Variants in CLEC6A observed in about 807,000 individuals in gnomAD.
CLEC6A encodes the protein C-type lectin domain containing 6A, also known as C-type lectin domain family 6 member A.
Under a neutral mutation model 25.7 loss-of-function variants are expected in CLEC6A, and 22 were observed. The ratio of observed to expected loss-of-function variants is 0.85; its 90% CI spans 0.61 to 1.22. CLEC6A has a LOEUF of 1.22. Ranked by LOEUF, CLEC6A falls within the 50% of genes most tolerant of loss-of-function variation. The pLI is 0.00. For missense variants in CLEC6A, 240 were observed against 236.8 expected, an observed-to-expected ratio of 1.01 and a Z score of -0.09; for synonymous variants, 92 against 76.7, an observed-to-expected ratio of 1.20 and a Z score of -1.04.
intron 4 of CLEC6A, among the ~76,000 whole-genome samples, chr12:8,468,473 T>A (rs1939865772): frequency 6.6e-6 from 1 of 152,212 alleles, no homozygotes; most frequent in Non-Finnish European, 1.5e-5. Context: ...TTTGGATAAT[T>A]TTTTTCTCTT....
intron 3 of CLEC6A, chr12:8,461,010 G>A: frequency 6.8e-7 from 1 of 1,462,572 alleles, no homozygotes; most frequent in Admixed American, 1.7e-5. Flanking sequence ...AATTTTTGGG[G>A]GTTATCCTCA....
At chr12:8,460,785 AC>A (rs1356875511) in intron 3 of CLEC6A, 1 of 1,335,658 alleles carries the variant, frequency 7.5e-7, no homozygotes, top group East Asian at 2.3e-5. Flanking sequence ...ACAAGGCCAA[AC>A]AAGGTTACCT....
chr12:8,473,454 T>C (rs1031144354), intron 4 of CLEC6A, among the ~76,000 whole-genome samples: 1 of 152,136 alleles, frequency 6.6e-6, no homozygotes, highest in African/African-American at 2.4e-5. Context: ...ATATGTATTA[T>C]ATTTTCTTTA....
intron 3 of CLEC6A, among the ~76,000 whole-genome samples, chr12:8,464,581 C>T (rs1004782398): frequency 2.0e-5 from 3 of 152,190 alleles, no homozygotes; most frequent in Non-Finnish European, 4.4e-5. Flanking sequence ...ATCCGCCCGC[C>T]TCGGCCTCCC....
chr12:8,472,994 C>CTTTTTTTTTTTT (rs746059514), intron 4 of CLEC6A, among the ~76,000 whole-genome samples: 80 of 3,578 alleles, frequency 0.022, 29 homozygotes, highest in African/African-American at 0.034. Flanking sequence ...GCTCCTACTT[C>CTTTTTTTTTTTT]TTTTTTTTTT....
At chr12:8,457,421 G>A (rs929191176) in intron 1 of CLEC6A, among the ~76,000 whole-genome samples, 1 of 152,010 alleles carries the variant, frequency 6.6e-6, no homozygotes, top group East Asian at 1.9e-4. Flanking sequence ...TTTTTATGGT[G>A]GAATAATATG....
chr12:8,465,369 CAGGA>C (rs1394564606), intron 3 of CLEC6A, 111 bp from the exon 4 acceptor site: 47 of 988,894 alleles, frequency 4.8e-5, no homozygotes, highest in Admixed American at 5.3e-5. Context: ...TTCTATAATT[CAGGA>C]AACAGTAAAA....
intron 1 of CLEC6A, 40 bp downstream of exon 1, chr12:8,456,182 T>C (rs1939673608): frequency 6.2e-7 from 1 of 1,602,090 alleles, no homozygotes. Flanking sequence ...TGGAAGTGTA[T>C]GGTGAAATGA....
chr12:8,476,445 C>T (rs1939975472), intron 5 of CLEC6A, among the ~76,000 whole-genome samples: 2 of 151,992 alleles, frequency 1.3e-5, no homozygotes, highest in African/African-American at 2.4e-5. Flanking sequence ...AAATAACTTG[C>T]CCCAAATCAA....
At chr12:8,469,614 A>G (rs1009517464) in intron 4 of CLEC6A, among the ~76,000 whole-genome samples, 10 of 152,164 alleles carry the variant, frequency 6.6e-5, no homozygotes, top group Non-Finnish European at 1.3e-4. Context: ...CAGAATAGAG[A>G]ACCCAGAAAT....
At position 8,471,567 on chromosome 12, in the gene CLEC6A, A is replaced by G. The variant is rs768211621; in HGVS notation, c.370-4558A>G. Among the ~76,000 whole-genome samples, 71 of 152,156 alleles carry G rather than the reference A, an allele frequency of 4.7e-4. 1 individual carries two copies. In the South Asian group the frequency reaches 0.013, roughly 29 times the overall value. On this transcript the variant is annotated intron_variant, in intron 4 of 5. Coordinates refer to ENST00000382073, the MANE Select transcript of CLEC6A (RefSeq NM_001007033.2). ...CTTCTGTTACCTAATTTATTGGCAT[A>G]TAATTGTTCTCAGTAGTCTCTTATA...
chr12:8,456,095 C>T lies in CLEC6A; in HGVS notation c.-17C>T. On this transcript the variant is annotated 5_prime_UTR_variant, in exon 1 of 6. Coordinates refer to ENST00000382073, the MANE Select transcript of CLEC6A (RefSeq NM_001007033.2). ...ACAAAAGGTTCCTGGACCTTCTCAACACAGGGAGCCTGCATAATGATGCAA... is the reference window on the plus strand; with the variant it reads ...ACAAAAGGTTCCTGGACCTTCTCAATACAGGGAGCCTGCATAATGATGCAA... The T allele has an allele frequency of 2.5e-6, 4 of 1,613,546 alleles. No homozygotes were observed. The highest frequency in any genetic ancestry group is 3.4e-6 in the Non-Finnish European group (4 of 1,179,656).
intron 3 of CLEC6A, among the ~76,000 whole-genome samples, chr12:8,460,231 G>A (rs1169183961): frequency 6.6e-6 from 1 of 152,194 alleles, no homozygotes; most frequent in African/African-American, 2.4e-5. Context: ...ACATACCCGA[G>A]ACTGGGCAAT....
intron 4 of CLEC6A, among the ~76,000 whole-genome samples, chr12:8,475,689 C>T (rs1294456537): frequency 6.6e-6 from 1 of 152,134 alleles, no homozygotes; most frequent in East Asian, 1.9e-4. Context: ...CATACCCACA[C>T]TGGGGAGGGC....
intron 4 of CLEC6A, among the ~76,000 whole-genome samples, chr12:8,469,407 C>G (rs1939876124): frequency 6.6e-6 from 1 of 151,894 alleles, no homozygotes; most frequent in Non-Finnish European, 1.5e-5. Context: ...GTACCACCAT[C>G]ATTCCTCTCA....
At chr12:8,472,615 C>T (rs1008127344) in intron 4 of CLEC6A, among the ~76,000 whole-genome samples, 8 of 152,122 alleles carry the variant, frequency 5.3e-5, no homozygotes, top group Admixed American at 1.3e-4. Flanking sequence ...GTGCTGTAAA[C>T]TTTTAACTAT....
At chr12:8,458,819 G>A (rs771403655) in intron 2 of CLEC6A, among the ~76,000 whole-genome samples, 6 of 152,214 alleles carry the variant, frequency 3.9e-5, no homozygotes, top group African/African-American at 1.2e-4. Flanking sequence ...TAAGAGCGGG[G>A]CAGAAAGATT....
chr12:8,476,809 A>G (rs938884865), intron 5 of CLEC6A, among the ~76,000 whole-genome samples: 2 of 152,108 alleles, frequency 1.3e-5, no homozygotes, highest in African/African-American at 4.8e-5. Context: ...AAAATGAGTG[A>G]GTATCAAAAC....
At chr12:8,471,086 G>T (rs1194705099) in intron 4 of CLEC6A, among the ~76,000 whole-genome samples, 1 of 151,858 alleles carries the variant, frequency 6.6e-6, no homozygotes, top group Non-Finnish European at 1.5e-5. Flanking sequence ...TCATAATGTG[G>T]TTTATTACAT....
Sources: gnomAD v4.1 joint callset for allele counts (sites outside exome capture counted in the v4.1 genomes callset) on GRCh38, gnomAD v4.1.1 for gene constraint, MANE v1.5 for transcripts, NCBI Gene and HGNC (gene_info 2026-07-23, HGNC 2026-07-21) for gene names.